The following GLIS2 variants were observed in gnomAD, a reference collection of about 807,000 sequenced individuals.
GLIS2 encodes GLIS family zinc finger 2.
In GLIS2, 14 loss-of-function variants were observed where a neutral mutation model predicts 35.6. That is an observed-to-expected ratio of 0.39 (90% CI 0.26 to 0.61). The LOEUF is 0.61. GLIS2 is among the 20% of genes least tolerant of loss of function. The pLI is 0.48. For missense variants in GLIS2, 675 were observed against 713.4 expected (o/e 0.95, Z 0.61); for synonymous variants, 368 against 325.1 (o/e 1.13, Z -1.42).
chr16:4,320,405 G>A lies in GLIS2; in HGVS notation c.-67+4151G>A, dbSNP rs887806531. Among the ~76,000 whole-genome samples the A allele has an allele frequency of 1.3e-5, 2 of 152,028 alleles. No individual in the cohort carries two copies. Among genetic ancestry groups the A allele is most frequent in the East Asian group, 1.9e-4 (1 of 5,164 alleles). ...CTTGGACCCTGGTAGTCAAGAGGTC[G>A]TCGGAGGCCGGTGGGGGGAAACTGA... is the stretch of plus-strand genomic sequence containing the variant. On this transcript the variant is annotated intron_variant, in intron 1 of 6. Transcript: ENST00000433375. This position sits in a 1 kb window ranked among gnomAD's most constrained non-coding sequence, Gnocchi z 5.6.
chr16:4,322,911 C>T (rs1473948365), intron 1 of GLIS2, among the ~76,000 whole-genome samples: 4 of 152,208 alleles, frequency 2.6e-5, no homozygotes, highest in South Asian at 2.1e-4. Flanking sequence ...TGCAGCCAGG[C>T]GTGGCTTGGG....
intron 1 of GLIS2, among the ~76,000 whole-genome samples, 106 bp downstream of exon 1, chr16:4,316,360 C>T (rs1279746020): frequency 6.9e-6 from 1 of 145,620 alleles, no homozygotes; most frequent in Non-Finnish European, 1.5e-5. Flanking sequence ...TCCTCCCCCG[C>T]TCGCGTCCGC....
upstream of GLIS2, chr16:4,315,403 G>C (rs990123698): frequency 1.3e-5 from 2 of 152,336 alleles, no homozygotes; most frequent in African/African-American, 4.8e-5. Context: ...CCCGCAGAGA[G>C]GCATTCCTGC....
chr16:4,333,418 A>G lies in GLIS2; in HGVS notation c.244A>G (p.Ser82Gly). 1 of 1,612,994 alleles carries G rather than the reference A, an allele frequency of 6.2e-7. No homozygotes were observed. Among genetic ancestry groups the G allele is most frequent in the Non-Finnish European group, 8.5e-7 (1 of 1,179,982 alleles). ...RFSAAPLVDL[S>G]LSPPSGLDSP... ...TTCAGCAGCCCCTCTCGTGGACCTC[A>G]GCCTGTCACCACCATCTGGGCTGGA... Residue 82 changes from serine to glycine, a missense_variant, in exon 3 of 7, where the codon AGC (serine) becomes GGC (glycine). Ser to Gly is a moderately conservative substitution (Grantham distance 56). This residue lies in a region of GLIS2 where 225 missense variants were observed against 238.7 expected (regional missense o/e 0.94). Coordinates refer to ENST00000433375, the MANE Select transcript of GLIS2 (RefSeq NM_032575.3).
intron 1 of GLIS2, among the ~76,000 whole-genome samples, chr16:4,321,845 C>A (rs1045196189): frequency 3.3e-5 from 5 of 151,906 alleles, no homozygotes; most frequent in African/African-American, 1.2e-4. Context: ...AAGGTCGGCG[C>A]TGTGTACACC....
chr16:4,322,518 A>C (rs553313364), intron 1 of GLIS2, among the ~76,000 whole-genome samples: 1 of 152,106 alleles, frequency 6.6e-6, no homozygotes, highest in Non-Finnish European at 1.5e-5. Flanking sequence ...TGCAGCAGGC[A>C]TGCTGACCGG....
At chr16:4,317,518 C>T (rs1303940937) in intron 1 of GLIS2, among the ~76,000 whole-genome samples, 1 of 152,156 alleles carries the variant, frequency 6.6e-6, no homozygotes, top group Non-Finnish European at 1.5e-5. Context: ...GTCACCCCTC[C>T]CCAAGCCCCA....
rs747706593 is a variant in GLIS2, at chr16:4,336,996, T to C, written c.1047T>C (p.Ser349=). ...LPAPDGGPYV[S]GAQIIIPNPA... ...CCCCCGACGGCGGCCCCTATGTCAG[T>C]GGGGCCCAGATCATCATCCCCAACC... The change falls in exon 7 of 7, where the codon AGT becomes AGC. Residue 349 remains serine (S), a synonymous_variant. Transcript: ENST00000433375. The C allele has an allele frequency of 2.5e-6, 4 of 1,607,492 alleles. No individual in the cohort carries two copies. Among genetic ancestry groups the C allele is most frequent in the Non-Finnish European group, 1.7e-6 (2 of 1,178,612 alleles).
chr16:4,315,902 G>T (rs2053304709), upstream of GLIS2, among the ~76,000 whole-genome samples: 1 of 148,900 alleles, frequency 6.7e-6, no homozygotes, highest in Non-Finnish European at 1.5e-5. Flanking sequence ...TGCTGGGAGG[G>T]AGGGAGCGAG....
chr16:4,324,944 G>A (rs1245350439), intron 1 of GLIS2, among the ~76,000 whole-genome samples: 1 of 152,210 alleles, frequency 6.6e-6, no homozygotes, highest in African/African-American at 2.4e-5. Context: ...GAGCCCTCCT[G>A]CCTGGGGCCC....
intron 1 of GLIS2, among the ~76,000 whole-genome samples, chr16:4,322,088 G>C (rs969761337): frequency 6.6e-6 from 1 of 151,964 alleles, no homozygotes; most frequent in African/African-American, 2.4e-5. Context: ...AAGAGAACAG[G>C]GGGGCATGGA....
intron 1 of GLIS2, among the ~76,000 whole-genome samples, chr16:4,317,853 G>C (rs2053331511): frequency 6.6e-6 from 1 of 152,160 alleles, no homozygotes; most frequent in Non-Finnish European, 1.5e-5. Flanking sequence ...GTTTTTCTTA[G>C]CCTTTCCTCC....
chr16:4,319,812 C>T (rs2053357505), intron 1 of GLIS2, among the ~76,000 whole-genome samples: 1 of 152,182 alleles, frequency 6.6e-6, no homozygotes. Flanking sequence ...TCTCTCCTGG[C>T]TCCGGCTTAG....
intron 1 of GLIS2, among the ~76,000 whole-genome samples, chr16:4,318,576 G>C (rs1316889714): frequency 6.6e-6 from 1 of 152,214 alleles, no homozygotes; most frequent in East Asian, 1.9e-4. Context: ...TCCCCTTGCA[G>C]GGAGGACAAG....
In GLIS2 at chr16:4,336,982, G is replaced by T; in HGVS notation, c.1033G>T (p.Gly345Cys). 6.2e-7 allele frequency: 1 copy of T among 1,609,134 alleles called. No individual in the cohort carries two copies. The highest frequency in any genetic ancestry group is 8.5e-7 in the Non-Finnish European group (1 of 1,178,948). The part of the protein sequence containing the change: ...PKPPLPAPDG[G>C]PYVSGAQIII... ...GCCGCCACTGCCCGCCCCCGACGGC[G>T]GCCCCTATGTCAGTGGGGCCCAGAT... Residue 345 changes from glycine to cysteine, a missense_variant, in exon 7 of 7, where the codon GGC becomes TGC. Coordinates refer to ENST00000433375, the MANE Select transcript of GLIS2 (RefSeq NM_032575.3).
intron 1 of GLIS2, among the ~76,000 whole-genome samples, chr16:4,327,760 C>T (rs1056888213): frequency 1.8e-4 from 22 of 123,656 alleles, no homozygotes; most frequent in Non-Finnish European, 3.0e-4. Flanking sequence ...TCCCGGTGGT[C>T]CCCGCGGCCG....
intron 2 of GLIS2, among the ~76,000 whole-genome samples, chr16:4,333,091 G>A (rs938055981): frequency 2.0e-5 from 3 of 152,186 alleles, no homozygotes; most frequent in Non-Finnish European, 4.4e-5. Context: ...CTGCGTGCCA[G>A]ACCATTCCCG....
chr16:4,327,066 A>AT (rs952320953), intron 1 of GLIS2, among the ~76,000 whole-genome samples: 5 of 150,994 alleles, frequency 3.3e-5, no homozygotes, highest in South Asian at 2.1e-4. Context: ...CCACCGGCTG[A>AT]TTTTTTTACT....
At position 4,332,270 on chromosome 16, in the gene GLIS2, G is replaced by A. The variant is rs28449480; in HGVS notation, c.-11G>A. On this transcript the variant is annotated 5_prime_UTR_variant, in exon 2 of 7. Coordinates refer to ENST00000433375, the MANE Select transcript of GLIS2 (RefSeq NM_032575.3). The surrounding 1 kb of genome is among the most constrained non-coding windows in gnomAD (Gnocchi z 5.4). ...CTGCCTGCTGCCACCTCCAACTCCG[G>A]CCCCCTCACCATGCACTCCCTGGAC... is the stretch of plus-strand genomic sequence containing the variant. The A allele has an allele frequency of 0.01, 16,563 of 1,610,762 alleles. 1,306 individuals are homozygous for A. The African/African-American group carries it at 0.18, about 18-fold the overall frequency.
Sources: allele counts gnomAD v4.1 joint callset (sites outside exome capture counted in the v4.1 genomes callset), GRCh38; gene constraint gnomAD v4.1.1; regional missense constraint gnomAD v4.1.1; non-coding constraint Gnocchi (gnomAD v3.1); transcripts MANE v1.5; gene names NCBI Gene and HGNC (gene_info 2026-07-23, HGNC 2026-07-21).